PFAS: variants seen among roughly 807,000 people sequenced by gnomAD.
The protein encoded by PFAS is FGAM synthase.
PFAS carries 97 observed loss-of-function variants against 140.6 expected under a neutral mutation model. That is an observed-to-expected ratio of 0.69 (90% CI 0.59 to 0.82). The LOEUF (loss-of-function observed/expected upper bound fraction) is 0.82. Among genes scored for constraint, PFAS ranks in the 40% least tolerant of loss-of-function variants. The probability of loss-of-function intolerance (pLI) is 0.00; values close to 1 mark genes in which losing one functional copy is unlikely to be tolerated. For missense variants in PFAS, 1,656 were observed against 1,780.2 expected (o/e 0.93, Z 1.26); for synonymous variants, 679 against 718.8 (o/e 0.94, Z 0.88).
chr17:8,263,373 C>A, intron 13 of PFAS, 108 bp downstream of exon 13: 1 of 1,225,208 alleles, frequency 8.2e-7, no homozygotes, highest in South Asian at 1.3e-5. Context: ...CTCTGGGTCC[C>A]ATTCTCCATG....
upstream of PFAS, among the ~76,000 whole-genome samples, chr17:8,248,410 A>ATTTTT (rs35534210): frequency 0.093 from 6,275 of 67,174 alleles, 661 homozygotes; most frequent in Non-Finnish European, 0.14. Context: ...CGCCCGGCTA[A>ATTTTT]TTTTTTTTTT....
chr17:8,248,410 ATTTTTTT>A (rs35534210), upstream of PFAS, among the ~76,000 whole-genome samples: 39 of 67,642 alleles, frequency 5.8e-4, no homozygotes, highest in East Asian at 1.5e-3. Context: ...CGCCCGGCTA[ATTTTTTT>A]TTTTTTTTTT....
intron 6 of PFAS, 40 bp from the exon 7 acceptor site, chr17:8,256,227 G>C: frequency 1.2e-6 from 2 of 1,602,856 alleles, no homozygotes; most frequent in Non-Finnish European, 1.7e-6. Flanking sequence ...AAATGACCCC[G>C]TTTCCACCTG....
At position 8,255,394 on chromosome 17, in the gene PFAS, G is replaced by A; in HGVS notation, c.385-108G>A. On this transcript the variant is annotated intron_variant, in intron 4 of 27. Coordinates refer to ENST00000314666, the MANE Select transcript of PFAS (RefSeq NM_012393.3). ...TGTAATCTGAGAAAAAGTGCCATATGGTGTGGCAGTGGGCTAGCCTTGCAT... is the reference window on the plus strand; with the variant it reads ...TGTAATCTGAGAAAAAGTGCCATATAGTGTGGCAGTGGGCTAGCCTTGCAT... 14 of 836,462 alleles carry A rather than the reference G, an allele frequency of 1.7e-5. No individual in the cohort carries two copies. The South Asian group carries it at 2.5e-4, about 15-fold the overall frequency. The allele number at this position is 836,462 out of a possible 1,614,324, so 51.8% of individuals were successfully genotyped here.
chr17:8,251,346 A>G (rs1001071195), intron 1 of PFAS, among the ~76,000 whole-genome samples: 1 of 152,214 alleles, frequency 6.6e-6, no homozygotes, highest in East Asian at 2.0e-4. Context: ...CAGTGGCACA[A>G]TCGTAGCTCA....
rs1487721883 is a variant in PFAS at position 8,269,016 on chromosome 17, C to T, written c.3769C>T (p.Leu1257=). ...GATTGAGGCCAGGGGCTTGGCTCCA[C>T]TGCACTGGGCTGATGATGACGGGAA... ...AQIEARGLAP[L]HWADDDGNPT... Residue 1257 remains leucine (L), a synonymous_variant, in exon 28 of 28, where the codon CTG becomes TTG. Transcript: ENST00000314666. The T allele has an allele frequency of 6.2e-7, 1 of 1,614,218 alleles. No homozygotes were observed. The highest frequency in any genetic ancestry group is 8.5e-7 in the Non-Finnish European group (1 of 1,180,006).
rs1397750575 is a variant in PFAS, at chr17:8,267,007, G to A, written c.2968-21G>A. On this transcript the variant is annotated intron_variant, in intron 23 of 27. Transcript: ENST00000314666. This position sits in a 1 kb window ranked among gnomAD's most constrained non-coding sequence, Gnocchi z 4.9. ...GGCCATCCTTTCTCCTAGCCCGTGGGAGATTTGTTCCTCTTCCTAGGTCCG... is the reference window on the plus strand; with the variant it reads ...GGCCATCCTTTCTCCTAGCCCGTGGAAGATTTGTTCCTCTTCCTAGGTCCG... 6.2e-7 allele frequency: 1 copy of A among 1,612,988 alleles called. No homozygotes were observed.
intron 18 of PFAS, 68 bp downstream of exon 18, chr17:8,265,193 C>A (rs1317574870): frequency 1.3e-6 from 2 of 1,557,820 alleles, no homozygotes; most frequent in Admixed American, 1.7e-5. Flanking sequence ...CCATCTGTAG[C>A]CCTTCATTTC....
In PFAS at chr17:8,269,115, C is replaced by T. The variant is rs772815231; in HGVS notation, c.3868C>T (p.Arg1290Cys). The change falls in exon 28 of 28, where the codon CGC (arginine) becomes TGC (cysteine). Residue 1290 changes from arginine (R) to cysteine (C), a missense_variant. Physicochemically the swap from Arg to Cys is radical, Grantham distance 180. Transcript: ENST00000314666. ...GVAGICSCDG[R>C]HLAVMPHPER... ...GGCTGGCATCTGCTCCTGTGATGGC[C>T]GCCACCTGGCTGTCATGCCTCACCC... The T allele has an allele frequency of 1.5e-5, 25 of 1,613,950 alleles. No individual in the cohort carries two copies. In the East Asian group the frequency reaches 2.5e-4, roughly 16 times the overall value.
Position 8,265,950 on chromosome 17 carries a change from C to A in PFAS, c.2634C>A (p.His878Gln). ...LAQCFSQLGE[H>Q]PPDLDLPENL... The stretch of plus-strand genomic sequence containing the variant: ...AGTGCTTCTCCCAGCTTGGGGAACA[C>A]CCTCCAGACCTGGACCTTCCTGAGA... The change falls in exon 21 of 28, where the codon CAC becomes CAA. Residue 878 changes from histidine to glutamine, a missense_variant. By Grantham distance (24) the His-to-Gln change is conservative. This residue lies in a region of PFAS where 883 missense variants were observed against 1,023.0 expected (regional missense o/e 0.86). Coordinates refer to ENST00000314666, the MANE Select transcript of PFAS (RefSeq NM_012393.3). 1 of 1,613,758 alleles carries A rather than the reference C, an allele frequency of 6.2e-7. No individual in the cohort carries two copies. The highest frequency in any genetic ancestry group is 8.5e-7 in the Non-Finnish European group (1 of 1,179,764).
Position 8,263,798 on chromosome 17 carries a change from C to A in PFAS, c.1653C>A (p.Ala551=). The A allele has an allele frequency of 6.2e-7, 1 of 1,614,104 alleles. No individual in the cohort carries two copies. Among genetic ancestry groups the A allele is most frequent in the Non-Finnish European group, 8.5e-7 (1 of 1,179,976 alleles). ...AGCTTGGGGACCCAACCCTGAATGC[C>A]CTGGAAATCTGGGGGGCTGAGTACC... ...RFQLGDPTLN[A]LEIWGAEYQE... is the part of the protein sequence containing the mutation. Residue 551 remains alanine, a synonymous_variant, in exon 15 of 28, where the codon GCC becomes GCA. Transcript: ENST00000314666.
At chr17:8,262,551 T>C (rs1314078837) in intron 11 of PFAS, 2 of 225,162 alleles carry the variant, frequency 8.9e-6, no homozygotes, top group Admixed American at 5.2e-5. Flanking sequence ...CCCAACACTT[T>C]GGGAGGCCGA....
Position 8,254,193 on chromosome 17 carries a change from CAAAG to C in PFAS, c.173_176del (p.Lys58SerfsTer2), listed in dbSNP as rs760568118. On this transcript the variant is annotated frameshift_variant, in exon 3 of 28. Coordinates refer to ENST00000314666, the MANE Select transcript of PFAS (RefSeq NM_012393.3). LOFTEE classifies it high-confidence loss of function. ...GAGGCCCTCCCCAGTGCTGAGGAGA[CAAAG>C]AAGCTGATGTGGCTGTTTGGTTGCC... 2 of 1,614,168 alleles carry C rather than the reference CAAAG, an allele frequency of 1.2e-6. No individual in the cohort carries two copies. Among genetic ancestry groups the C allele is most frequent in the Non-Finnish European group, 1.7e-6 (2 of 1,180,026 alleles).
rs200514171 is a variant in PFAS at position 8,254,318 on chromosome 17, G to A, written c.278+17G>A. On this transcript the variant is annotated intron_variant, in intron 3 of 27. Coordinates refer to ENST00000314666, the MANE Select transcript of PFAS (RefSeq NM_012393.3). Reference sequence around the variant, plus strand: ...CGGGCCCAGGTAAGTATCTCATCCTGCCCACCCCTTTCTTCTGCTTTCCTT... The same window carrying A: ...CGGGCCCAGGTAAGTATCTCATCCTACCCACCCCTTTCTTCTGCTTTCCTT... 500 of 1,613,356 alleles carry A rather than the reference G, an allele frequency of 3.1e-4. 4 individuals are homozygous for A. In the African/African-American group the frequency reaches 6.1e-3, roughly 20 times the overall value.
Position 8,264,119 on chromosome 17 carries a change from G to A in PFAS, c.1792-93G>A, listed in dbSNP as rs558619363. 3.1e-4 allele frequency: 477 copies of A among 1,557,968 alleles called. 3 individuals are homozygous for A. In the African/African-American group the frequency reaches 5.1e-3, roughly 17 times the overall value. ...ACTCAATATGGAAACCAAACAAGGAGTGGAAAGCACATTTGTGCCCTGATT... is the reference window on the plus strand; with the variant it reads ...ACTCAATATGGAAACCAAACAAGGAATGGAAAGCACATTTGTGCCCTGATT... On this transcript the variant is annotated intron_variant, in intron 15 of 27. Coordinates refer to ENST00000314666, the MANE Select transcript of PFAS (RefSeq NM_012393.3).
In PFAS at chr17:8,266,345, G is replaced by A. The variant is rs1989813283; in HGVS notation, c.2813G>A (p.Arg938Lys). The part of the protein sequence containing the change: ...CGLQVDVPVP[R>K]VDVLSVLFAE... ...CTACAGGTGGATGTGCCTGTCCCCA[G>A]GGTTGATGGTAAGGAACCTGGGGTC... Residue 938 changes from arginine to lysine, a missense_variant, in exon 22 of 28, where the codon AGG becomes AAG. This residue lies in a region of PFAS where 883 missense variants were observed against 1,023.0 expected (regional missense o/e 0.86). Coordinates refer to ENST00000314666, the MANE Select transcript of PFAS (RefSeq NM_012393.3). The surrounding 1 kb of genome is among the most constrained non-coding windows in gnomAD (Gnocchi z 5.0). 3 of 1,614,044 alleles carry A rather than the reference G, an allele frequency of 1.9e-6. No individual in the cohort carries two copies. Among genetic ancestry groups the A allele is most frequent in the Non-Finnish European group, 2.5e-6 (3 of 1,179,986 alleles).
At chr17:8,252,981 G>C (rs936082098) in intron 1 of PFAS, among the ~76,000 whole-genome samples, 12 of 152,226 alleles carry the variant, frequency 7.9e-5, no homozygotes, top group Admixed American at 3.9e-4. Flanking sequence ...GCTCATTCTT[G>C]AGAGTTCCAC....
intron 15 of PFAS, 108 bp downstream of exon 15, chr17:8,264,044 G>A: frequency 6.8e-7 from 1 of 1,473,130 alleles, no homozygotes; most frequent in Non-Finnish European, 9.4e-7. Flanking sequence ...GAAGATGGGA[G>A]GTAGTGGCAA....
intron 11 of PFAS, among the ~76,000 whole-genome samples, chr17:8,261,577 T>C (rs1241427136): frequency 6.6e-6 from 1 of 151,814 alleles, no homozygotes; most frequent in Non-Finnish European, 1.5e-5. Flanking sequence ...TGCGTATATC[T>C]TCCTTAGAGA....
Sources: allele counts gnomAD v4.1 joint callset (sites outside exome capture counted in the v4.1 genomes callset), GRCh38; gene constraint gnomAD v4.1.1; regional missense constraint gnomAD v4.1.1; non-coding constraint Gnocchi (gnomAD v3.1); transcripts MANE v1.5; gene names NCBI Gene and HGNC (gene_info 2026-07-23, HGNC 2026-07-21).